UNC5C: variants seen among roughly 807,000 people sequenced by gnomAD.
UNC5C encodes unc-5 netrin receptor C, also known as netrin receptor UNC5C.
In UNC5C, 47 loss-of-function variants were observed where a neutral mutation model predicts 99.8. The observed-to-expected ratio is 0.47, with a 90% CI of 0.37 to 0.60. The LOEUF (loss-of-function observed/expected upper bound fraction) is 0.60. Ranked by LOEUF, UNC5C falls within the 20% of genes least tolerant of loss-of-function variation. UNC5C has a pLI of 0.00. For missense variants in UNC5C, 1,062 were observed against 1,165.9 expected, an observed-to-expected ratio of 0.91 and a Z score of 1.30; for synonymous variants, 487 against 452.2, an observed-to-expected ratio of 1.08 and a Z score of -0.98.
Position 95,410,872 on chromosome 4 carries a change from C to A in UNC5C, c.125-75241G>T, listed in dbSNP as rs188225481. ...CAGCCTAGCTCTGCCTCAGGGTTGA[C>A]AAATGTGAGATCAGCCCCTCCTCAC... On this transcript the variant is annotated intron_variant, in intron 1 of 15. Transcript: ENST00000453304. Among the ~76,000 whole-genome samples the A allele has an allele frequency of 2.0e-3, 306 of 152,216 alleles. 2 individuals carry two copies. Among genetic ancestry groups the A allele is most frequent in the African/African-American group, 7.0e-3 (291 of 41,522 alleles).
At chr4:95,265,785 T>C (rs1740423654) in intron 4 of UNC5C, among the ~76,000 whole-genome samples, 1 of 152,146 alleles carries the variant, frequency 6.6e-6, no homozygotes, top group Non-Finnish European at 1.5e-5. Flanking sequence ...ATCCCAGCCC[T>C]CCCACTAATT....
intron 1 of UNC5C, among the ~76,000 whole-genome samples, chr4:95,455,290 G>T (rs964769476): frequency 6.6e-6 from 1 of 152,082 alleles, no homozygotes; most frequent in African/African-American, 2.4e-5. Flanking sequence ...GCTGGAGATA[G>T]AGGTAAGGGG....
intron 1 of UNC5C, among the ~76,000 whole-genome samples, chr4:95,484,808 A>T (rs1721277618): frequency 6.6e-6 from 1 of 151,876 alleles, no homozygotes; most frequent in African/African-American, 2.4e-5. Context: ...CTCAGTTCTG[A>T]GATGACAGTG....
chr4:95,471,829 C>CT (rs112882888), intron 1 of UNC5C, among the ~76,000 whole-genome samples: 5,085 of 146,662 alleles, frequency 0.035, 139 homozygotes, highest in Admixed American at 0.12. Flanking sequence ...TGCATTTTGT[C>CT]TTTTTTTTTT....
intron 1 of UNC5C, among the ~76,000 whole-genome samples, chr4:95,353,554 G>C (rs1744063397): frequency 6.6e-6 from 1 of 151,948 alleles, no homozygotes; most frequent in Non-Finnish European, 1.5e-5. Context: ...ATATTTAGAA[G>C]TCACAAGCAT....
At chr4:95,309,657 T>C (rs1742204418) in intron 2 of UNC5C, among the ~76,000 whole-genome samples, 1 of 152,050 alleles carries the variant, frequency 6.6e-6, no homozygotes, top group Non-Finnish European at 1.5e-5. Context: ...GACATACAAA[T>C]GGCCAAGGGT....
intron 7 of UNC5C, among the ~76,000 whole-genome samples, chr4:95,232,287 TTA>T (rs1395233834): frequency 6.6e-6 from 1 of 150,758 alleles, no homozygotes; most frequent in African/African-American, 2.4e-5. Flanking sequence ...TATATATGTT[TTA>T]TATAAGTGTT....
At chr4:95,205,816 C>T (rs1737855805) in intron 11 of UNC5C, among the ~76,000 whole-genome samples, 1 of 152,082 alleles carries the variant, frequency 6.6e-6, no homozygotes, top group African/African-American at 2.4e-5. Context: ...ACAGCAGCTG[C>T]AGACAGCCAG....
intron 1 of UNC5C, among the ~76,000 whole-genome samples, chr4:95,372,871 GT>G (rs1744787543): frequency 6.6e-6 from 1 of 152,144 alleles, no homozygotes; most frequent in Non-Finnish European, 1.5e-5. Flanking sequence ...TTTCTGAAAA[GT>G]TGGGTGTAAG....
At chr4:95,380,809 T>C (rs993404062) in intron 1 of UNC5C, among the ~76,000 whole-genome samples, 1 of 152,328 alleles carries the variant, frequency 6.6e-6, no homozygotes, top group Non-Finnish European at 1.5e-5. Context: ...AGCATTTACC[T>C]TCAGTTTTGC....
intron 7 of UNC5C, among the ~76,000 whole-genome samples, chr4:95,231,060 C>T (rs1004998313): frequency 6.6e-6 from 1 of 152,034 alleles, no homozygotes; most frequent in Non-Finnish European, 1.5e-5. Flanking sequence ...GGACAGCAAA[C>T]AGAATTAAAA....
intron 14 of UNC5C, among the ~76,000 whole-genome samples, chr4:95,172,395 C>T (rs1271484104): frequency 6.6e-6 from 1 of 151,400 alleles, no homozygotes. Flanking sequence ...TGTCTTTAAT[C>T]CATCTCGAAT....
chr4:95,203,383 C>G (rs1475439410), intron 11 of UNC5C, among the ~76,000 whole-genome samples: 2 of 152,136 alleles, frequency 1.3e-5, no homozygotes, highest in East Asian at 3.9e-4. Context: ...AAAGCAAGAC[C>G]TGACAAATTC....
chr4:95,522,371 G>C (rs1288639283), intron 1 of UNC5C, among the ~76,000 whole-genome samples: 1 of 152,076 alleles, frequency 6.6e-6, no homozygotes, highest in Non-Finnish European at 1.5e-5. Flanking sequence ...GATTAGGCTG[G>C]ATGAAAGCTA....
rs1319960472 is a variant in UNC5C, at chr4:95,167,484, T to G, written c.*1750A>C. 6.6e-6 allele frequency: 1 copy of G among 152,018 alleles called. No homozygotes were observed. The highest frequency in any genetic ancestry group is 2.4e-5 in the African/African-American group (1 of 41,372). 9.4% of individuals were successfully genotyped at this position (152,018 alleles called of 1,614,324 possible). A position where few individuals can be genotyped will look rare whatever the true frequency, so the allele number is the denominator to read the frequency against. On this transcript the variant is annotated 3_prime_UTR_variant, in exon 16 of 16. Transcript: ENST00000453304. Reference sequence around the variant, plus strand: ...GAATATTATGACAGCAAAGAAAGATTAAGGGTGGGGGGGTGTAGCGTAGAA... The same window carrying G: ...GAATATTATGACAGCAAAGAAAGATGAAGGGTGGGGGGGTGTAGCGTAGAA...
intron 1 of UNC5C, among the ~76,000 whole-genome samples, chr4:95,537,825 A>G (rs986288492): frequency 6.6e-6 from 1 of 152,028 alleles, no homozygotes; most frequent in African/African-American, 2.4e-5. Flanking sequence ...TCTCTCTCCC[A>G]TTTACACACA....
At chr4:95,176,349 C>T (rs1314957703) in intron 14 of UNC5C, among the ~76,000 whole-genome samples, 2 of 152,098 alleles carry the variant, frequency 1.3e-5, no homozygotes, top group East Asian at 3.9e-4. Flanking sequence ...TTTTTCTGCT[C>T]TGTTTTTTCC....
Position 95,422,852 on chromosome 4 carries a change from C to G in UNC5C, c.125-87221G>C, listed in dbSNP as rs1206984017. Among the ~76,000 whole-genome samples the G allele has an allele frequency of 6.6e-5, 10 of 152,138 alleles. No individual in the cohort carries two copies. The East Asian group carries it at 7.7e-4, about 12-fold the overall frequency. ...ACACATGTGTGGTTATATGTGTTTC[C>G]TCTTCCAGATGCAGAAAAAAACCAA... On this transcript the variant is annotated intron_variant, in intron 1 of 15. Coordinates refer to ENST00000453304, the MANE Select transcript of UNC5C (RefSeq NM_003728.4).
chr4:95,407,074 G>T (rs1745850047), intron 1 of UNC5C, among the ~76,000 whole-genome samples: 1 of 152,040 alleles, frequency 6.6e-6, no homozygotes, highest in Admixed American at 6.6e-5. Context: ...AAATAGAAAA[G>T]CTACAAACAC....
Sources: gnomAD v4.1 joint callset for allele counts (sites outside exome capture counted in the v4.1 genomes callset) on GRCh38, gnomAD v4.1.1 for gene constraint, MANE v1.5 for transcripts, NCBI Gene and HGNC (gene_info 2026-07-23, HGNC 2026-07-21) for gene names.